Variants in FBXL17 observed in about 807,000 individuals in gnomAD.
FBXL17 encodes the protein F-box/LRR-repeat protein 17.
Under a neutral mutation model 66.2 loss-of-function variants are expected in FBXL17, and 22 were observed. The observed-to-expected ratio is 0.33, with a 90% CI of 0.24 to 0.47. FBXL17 has a LOEUF of 0.47. FBXL17 is among the 20% of genes least tolerant of loss of function. The pLI is 1.00. For missense variants in FBXL17, 878 were observed against 948.2 expected, an observed-to-expected ratio of 0.93 and a Z score of 0.97; for synonymous variants, 474 against 400.5, an observed-to-expected ratio of 1.18 and a Z score of -2.19.
At chr5:108,157,107 C>T (rs1295292366) in intron 6 of FBXL17, among the ~76,000 whole-genome samples, 1 of 150,480 alleles carries the variant, frequency 6.6e-6, no homozygotes, top group African/African-American at 2.4e-5. Flanking sequence ...CAAATACCTA[C>T]CATCTGATAA....
At chr5:108,299,582 G>A (rs1040766730) in intron 4 of FBXL17, 23 of 971,342 alleles carry the variant, frequency 2.4e-5, no homozygotes, top group Non-Finnish European at 2.8e-5. Flanking sequence ...GCTCCCTGGC[G>A]TTTTACTTTC....
chr5:108,160,426 C>A (rs944264923), intron 6 of FBXL17, among the ~76,000 whole-genome samples: 1 of 152,130 alleles, frequency 6.6e-6, no homozygotes, highest in African/African-American at 2.4e-5. Flanking sequence ...AGTAATTAGA[C>A]AAACCACTAC....
intron 4 of FBXL17, among the ~76,000 whole-genome samples, chr5:108,270,132 G>T (rs1757206525): frequency 6.6e-6 from 1 of 152,006 alleles, no homozygotes; most frequent in African/African-American, 2.4e-5. Flanking sequence ...GCATCTAAAA[G>T]CACCCAGGAG....
intron 8 of FBXL17, among the ~76,000 whole-genome samples, chr5:107,866,543 G>A (rs974189381): frequency 3.9e-5 from 6 of 152,192 alleles, no homozygotes; most frequent in African/African-American, 1.4e-4. Flanking sequence ...AAACTTCAGA[G>A]TTACAGAGAG....
At chr5:107,871,017 C>T (rs975869417) in intron 8 of FBXL17, among the ~76,000 whole-genome samples, 6 of 124,926 alleles carry the variant, frequency 4.8e-5, no homozygotes, top group African/African-American at 1.2e-4. Flanking sequence ...TTTAAGGATG[C>T]GTTTTTCATA....
At chr5:108,127,707 T>C (rs1403264610) in intron 6 of FBXL17, among the ~76,000 whole-genome samples, 3 of 152,314 alleles carry the variant, frequency 2.0e-5, no homozygotes, top group East Asian at 3.9e-4. Flanking sequence ...TAATGTGATG[T>C]AAACTTGAAA....
At chr5:108,313,922 T>C (rs905404570) in intron 4 of FBXL17, among the ~76,000 whole-genome samples, 2 of 151,952 alleles carry the variant, frequency 1.3e-5, no homozygotes, top group Non-Finnish European at 2.9e-5. Context: ...ATAAAATTCT[T>C]ACTAATATGA....
At chr5:108,278,843 G>A (rs528785076) in intron 4 of FBXL17, among the ~76,000 whole-genome samples, 2 of 152,294 alleles carry the variant, frequency 1.3e-5, no homozygotes, top group South Asian at 2.1e-4. Context: ...TTGCCACTGG[G>A]GGTCCTGAGT....
chr5:108,339,947 G>A (rs895110846), intron 4 of FBXL17, among the ~76,000 whole-genome samples: 2 of 152,020 alleles, frequency 1.3e-5, no homozygotes, highest in Admixed American at 1.3e-4. Context: ...AGGTAAATCT[G>A]CTGGGTAAAA....
rs545138108 is a variant in FBXL17, at chr5:107,879,129, G to A, written c.1965+1908C>T. The A allele has an allele frequency of 6.1e-6, 6 of 985,444 alleles. No individual in the cohort carries two copies. The South Asian group carries it at 1.9e-4, about 31-fold the overall frequency. 61.0% of individuals were successfully genotyped at this position (985,444 alleles called of 1,614,324 possible). On this transcript the variant is annotated intron_variant, in intron 8 of 8. Transcript: ENST00000542267. ...GGAATAACATTCTCCTGTAGTAACT[G>A]TAACATACAACTTCTACAGTGTATC...
At chr5:108,108,595 G>T (rs1278313825) in intron 6 of FBXL17, among the ~76,000 whole-genome samples, 7 of 152,078 alleles carry the variant, frequency 4.6e-5, no homozygotes, top group Non-Finnish European at 2.9e-5. Flanking sequence ...AATTACTAAA[G>T]ATTTCTTAAT....
intron 7 of FBXL17, among the ~76,000 whole-genome samples, chr5:107,890,771 A>C (rs528737323): frequency 6.6e-6 from 1 of 152,326 alleles, no homozygotes; most frequent in South Asian, 2.1e-4. Context: ...ACATGTTGTC[A>C]GGCTGACCAA....
chr5:108,378,268 C>T (rs902846096), intron 1 of FBXL17, among the ~76,000 whole-genome samples: 7 of 149,540 alleles, frequency 4.7e-5, no homozygotes, highest in African/African-American at 1.7e-4. Context: ...CAAAAAACAT[C>T]CTTTAAATTC....
intron 6 of FBXL17, among the ~76,000 whole-genome samples, chr5:108,067,543 G>T (rs1748163039): frequency 6.6e-6 from 1 of 152,154 alleles, no homozygotes; most frequent in African/African-American, 2.4e-5. Context: ...GATTGTGCGG[G>T]CTATTTCTAA....
chr5:108,150,935 C>T (rs1751749545), intron 6 of FBXL17, among the ~76,000 whole-genome samples: 1 of 152,190 alleles, frequency 6.6e-6, no homozygotes, highest in African/African-American at 2.4e-5. Context: ...CCACAGCTTT[C>T]CACACGGTCA....
chr5:107,883,390 C>G (rs1050330113), intron 7 of FBXL17, among the ~76,000 whole-genome samples: 1 of 151,890 alleles, frequency 6.6e-6, no homozygotes, highest in African/African-American at 2.4e-5. Context: ...AGTGGTGGAA[C>G]TGCAGTGTGA....
rs1748062029 is a variant in FBXL17, at chr5:107,859,426, T to C, written c.*2294A>G. 7.5e-6 allele frequency: 1 copy of C among 133,320 alleles called. No individual in the cohort carries two copies. Among genetic ancestry groups the C allele is most frequent in the South Asian group, 2.6e-4 (1 of 3,884 alleles). 8.3% of individuals were successfully genotyped at this position (133,320 alleles called of 1,614,324 possible). A position where few individuals can be genotyped will look rare whatever the true frequency, so the allele number is the denominator to read the frequency against. ...TTTTTTTTTTTTTTTTTGAGATTAA[T>C]GCTTTGAGGCTGGATATGGTATTTC... On this transcript the variant is annotated 3_prime_UTR_variant, in exon 9 of 9. Transcript: ENST00000542267.
chr5:107,907,513 C>T (rs938498936), intron 7 of FBXL17, among the ~76,000 whole-genome samples: 1 of 151,834 alleles, frequency 6.6e-6, no homozygotes, highest in Non-Finnish European at 1.5e-5. Flanking sequence ...AACCAAGCTA[C>T]AAAATGGGAG....
intron 5 of FBXL17, among the ~76,000 whole-genome samples, chr5:108,222,450 G>A (rs1754906385): frequency 6.6e-6 from 1 of 152,036 alleles, no homozygotes. Flanking sequence ...TATGGTCTTG[G>A]TTACACTAAG....
Sources: allele counts gnomAD v4.1 joint callset (sites outside exome capture counted in the v4.1 genomes callset), GRCh38; gene constraint gnomAD v4.1.1; transcripts MANE v1.5; gene names NCBI Gene and HGNC (gene_info 2026-07-23, HGNC 2026-07-21).